Variants in PRKG1 observed in about 807,000 individuals in gnomAD.
PRKG1 encodes the protein protein kinase cGMP-dependent 1, also known as cGMP-dependent protein kinase 1.
Under a neutral mutation model 88.1 loss-of-function variants are expected in PRKG1, and 35 were observed. The observed-to-expected ratio is 0.40, with a 90% CI of 0.30 to 0.53. PRKG1 has a LOEUF of 0.53. Among genes scored for constraint, PRKG1 ranks in the 20% least tolerant of loss-of-function variants. The probability of loss-of-function intolerance (pLI) is 0.59; values close to 1 mark genes in which losing one functional copy is unlikely to be tolerated. For missense variants in PRKG1, 540 were observed against 839.8 expected (o/e 0.64, Z 4.41); for synonymous variants, 303 against 292.5 (o/e 1.04, Z -0.37).
intron 3 of PRKG1, among the ~76,000 whole-genome samples, chr10:51,768,882 TAAAA>T (rs1393930105): frequency 6.6e-6 from 1 of 152,050 alleles, no homozygotes; most frequent in Non-Finnish European, 1.5e-5. Context: ...GTCTCATAAA[TAAAA>T]AAATGATGTA....
intron 2 of PRKG1, among the ~76,000 whole-genome samples, chr10:51,281,602 T>G (rs1160068267): frequency 6.6e-6 from 1 of 152,142 alleles, no homozygotes; most frequent in Non-Finnish European, 1.5e-5. Flanking sequence ...AGGCCTGCCT[T>G]CCTCTGTAGA....
chr10:51,282,782 CAA>C (rs35715275), intron 2 of PRKG1, among the ~76,000 whole-genome samples: 4 of 151,078 alleles, frequency 2.6e-5, no homozygotes, highest in South Asian at 2.1e-4. Flanking sequence ...ACAAATTATA[CAA>C]AAAAAAACTA....
chr10:51,247,984 A>G (rs16915860), intron 2 of PRKG1, among the ~76,000 whole-genome samples: 2 of 151,948 alleles, frequency 1.3e-5, no homozygotes, highest in South Asian at 4.2e-4. Flanking sequence ...TATAACTTGA[A>G]TTACTGTGTC....
At chr10:51,414,172 C>T (rs998437552) in intron 2 of PRKG1, among the ~76,000 whole-genome samples, 1 of 152,180 alleles carries the variant, frequency 6.6e-6, no homozygotes, top group South Asian at 2.1e-4. Flanking sequence ...CAATGTGCCC[C>T]GTCACTGACG....
chr10:52,079,508 G>A (rs76866752), intron 7 of PRKG1, among the ~76,000 whole-genome samples: 2,145 of 152,204 alleles, frequency 0.014, 56 homozygotes, highest in African/African-American at 0.048. Flanking sequence ...CCTGAGACTC[G>A]TGACTTCTGT....
chr10:51,708,568 T>C (rs533115753), intron 3 of PRKG1, among the ~76,000 whole-genome samples: 1 of 152,312 alleles, frequency 6.6e-6, no homozygotes, highest in East Asian at 1.9e-4. Flanking sequence ...TGTACATTTG[T>C]GGTGGTTTTC....
intron 2 of PRKG1, among the ~76,000 whole-genome samples, chr10:51,317,987 G>T (rs148929236): frequency 6.2e-4 from 94 of 152,254 alleles, no homozygotes; most frequent in African/African-American, 2.2e-3. Flanking sequence ...CCTTCTCTGA[G>T]TTAATCCTTT....
chr10:52,253,203 A>C (rs1841222182), intron 10 of PRKG1, among the ~76,000 whole-genome samples: 1 of 152,014 alleles, frequency 6.6e-6, no homozygotes, highest in African/African-American at 2.4e-5. Flanking sequence ...TTAAAGACGA[A>C]GGACAATAAA....
chr10:51,332,050 G>T (rs1417579689), intron 2 of PRKG1, among the ~76,000 whole-genome samples: 1 of 152,152 alleles, frequency 6.6e-6, no homozygotes. Context: ...CTTTTGACAT[G>T]AAATCTTAAT....
intron 2 of PRKG1, among the ~76,000 whole-genome samples, chr10:51,242,605 G>A (rs1462744798): frequency 6.6e-6 from 1 of 152,160 alleles, no homozygotes; most frequent in African/African-American, 2.4e-5. Context: ...CAGTCTAGGG[G>A]TAAAACAAAC....
intron 3 of PRKG1, among the ~76,000 whole-genome samples, chr10:51,743,634 T>TTATATA (rs56396755): frequency 1.6e-5 from 2 of 127,252 alleles, no homozygotes; most frequent in Admixed American, 8.7e-5. Flanking sequence ...TTAATTTATT[T>TTATATA]TATATATATA....
intron 5 of PRKG1, among the ~76,000 whole-genome samples, chr10:51,926,674 T>C (rs1842583997): frequency 6.6e-6 from 1 of 151,986 alleles, no homozygotes; most frequent in African/African-American, 2.4e-5. Context: ...GCATTCCTCC[T>C]GTCCTGCCTG....
chr10:51,855,842 T>G (rs1235422902), intron 4 of PRKG1, among the ~76,000 whole-genome samples: 1 of 152,210 alleles, frequency 6.6e-6, no homozygotes. Context: ...GTGTATTCAC[T>G]TCCTACTGCT....
At chr10:51,429,237 A>T (rs924155184) in intron 2 of PRKG1, among the ~76,000 whole-genome samples, 5 of 152,236 alleles carry the variant, frequency 3.3e-5, no homozygotes, top group Non-Finnish European at 5.9e-5. Flanking sequence ...GCCAAATTTT[A>T]AAATAAAAAT....
intron 2 of PRKG1, among the ~76,000 whole-genome samples, chr10:51,278,920 A>G (rs1207953934): frequency 6.6e-6 from 1 of 151,856 alleles, no homozygotes; most frequent in Non-Finnish European, 1.5e-5. Flanking sequence ...GGATTCATTG[A>G]TTTTTTTGAA....
At chr10:51,439,833 G>C (rs946728096) in intron 2 of PRKG1, among the ~76,000 whole-genome samples, 6 of 151,904 alleles carry the variant, frequency 3.9e-5, no homozygotes, top group African/African-American at 1.2e-4. Flanking sequence ...GGAAAAATAA[G>C]TGTCTAAGGA....
intron 3 of PRKG1, among the ~76,000 whole-genome samples, chr10:51,754,080 C>T (rs72799405): frequency 5.9e-5 from 9 of 152,038 alleles, no homozygotes; most frequent in African/African-American, 2.2e-4. Flanking sequence ...TTCTTCTGGG[C>T]TGTCATCTCT....
chr10:51,479,288 G>C (rs1456517659), intron 3 of PRKG1, among the ~76,000 whole-genome samples: 2 of 151,908 alleles, frequency 1.3e-5, no homozygotes, highest in African/African-American at 4.8e-5. Context: ...TACATGTAAA[G>C]ATTTTAAAAA....
intron 4 of PRKG1, among the ~76,000 whole-genome samples, chr10:51,881,387 C>T (rs1225353393): frequency 6.6e-6 from 1 of 152,182 alleles, no homozygotes; most frequent in Non-Finnish European, 1.5e-5. Context: ...TCAGCTGGGT[C>T]ACTAAGCTGC....
Sources: allele counts gnomAD v4.1 joint callset (sites outside exome capture counted in the v4.1 genomes callset), GRCh38; gene constraint gnomAD v4.1.1; transcripts MANE v1.5; gene names NCBI Gene and HGNC (gene_info 2026-07-23, HGNC 2026-07-21).